The following RNF17 variants were observed in gnomAD, a reference collection of about 807,000 sequenced individuals.
RNF17 encodes the protein spermatogenesis associated 23.
A neutral mutation model predicts 200.5 loss-of-function variants in RNF17; 31 were observed. The ratio of observed to expected loss-of-function variants is 0.15; its 90% confidence interval spans 0.12 to 0.21. The LOEUF (loss-of-function observed/expected upper bound fraction) is 0.21, where lower values mean the gene tolerates loss of function less well. Among genes scored for constraint, RNF17 ranks in the 10% least tolerant of loss-of-function variants. The pLI is 1.00. For missense variants in RNF17, 1,628 were observed against 1,905.1 expected, an observed-to-expected ratio of 0.85 and a Z score of 2.71; for synonymous variants, 606 against 637.8, an observed-to-expected ratio of 0.95 and a Z score of 0.75.
chr13:24,848,647 A>G (rs566866540), intron 22 of RNF17, among the ~76,000 whole-genome samples: 2 of 152,342 alleles, frequency 1.3e-5, no homozygotes, highest in African/African-American at 4.8e-5. Flanking sequence ...TGGGTGACAC[A>G]GTGAGACTCT....
chr13:24,873,440 T>C (rs1894512818), intron 32 of RNF17, among the ~76,000 whole-genome samples: 1 of 152,242 alleles, frequency 6.6e-6, no homozygotes, highest in Non-Finnish European at 1.5e-5. Flanking sequence ...TAAACATTTT[T>C]TGATACATAA....
chr13:24,781,817 T>G, intron 5 of RNF17, 27 bp from the exon 6 acceptor site: 3 of 1,438,070 alleles, frequency 2.1e-6, no homozygotes, highest in Non-Finnish European at 2.8e-6. Flanking sequence ...CCAAATTAAG[T>G]TTTTGTCTTG....
chr13:24,829,427 G>T (rs1463184842), intron 16 of RNF17, among the ~76,000 whole-genome samples: 2 of 152,162 alleles, frequency 1.3e-5, no homozygotes, highest in Non-Finnish European at 2.9e-5. Context: ...AGAGACTTTA[G>T]GAAGAGTAAG....
intron 16 of RNF17, among the ~76,000 whole-genome samples, chr13:24,827,562 C>G (rs893752168): frequency 6.6e-6 from 1 of 151,206 alleles, no homozygotes; most frequent in East Asian, 1.9e-4. Context: ...ATTAGCCGGG[C>G]GTAGTGGCGG....
rs2137546413 is a variant in RNF17 at position 24,779,719 on chromosome 13, G to A, written c.482G>A (p.Ser161Asn). The change falls in exon 5 of 36, where the codon AGT (serine) becomes AAT (asparagine). Residue 161 changes from serine (S) to asparagine (N), a missense_variant. Ser to Asn is a conservative substitution (Grantham distance 46). This residue lies in a region of RNF17 where 502 missense variants were observed against 501.7 expected (regional missense o/e 1.00). Coordinates refer to ENST00000255324, the MANE Select transcript of RNF17 (RefSeq NM_031277.3). ...GAAGCATTGAATACAGCACACCATA[G>A]TTTCGAACAGTTAAGCATTGCTGGA... ...IDEALNTAHH[S>N]FEQLSIAGKA... is the part of the protein sequence containing the mutation. The A allele has an allele frequency of 6.2e-7, 1 of 1,613,444 alleles. No individual in the cohort carries two copies. The highest frequency in any genetic ancestry group is 2.2e-5 in the East Asian group (1 of 44,828).
chr13:24,748,724 G>T, the RNF17 span, among the ~76,000 whole-genome samples: 3 of 149,874 alleles, frequency 2.0e-5, no homozygotes, highest in East Asian at 5.8e-4. Context: ...AAAGGTTTTT[G>T]TTGTTGGTGG....
At chr13:24,880,512 T>C (rs891806863), downstream of RNF17, among the ~76,000 whole-genome samples, 3 of 152,218 alleles carry the variant, frequency 2.0e-5, no homozygotes, top group Non-Finnish European at 4.4e-5. Flanking sequence ...ATAAATGACA[T>C]GGTATTTTTT....
rs1352229361 is a variant in RNF17, at chr13:24,804,398, T to C, written c.2060T>C (p.Ile687Thr). The change falls in exon 15 of 36, where the codon ATA (isoleucine) becomes ACA (threonine). Residue 687 changes from isoleucine (I) to threonine (T), a missense_variant. Ile to Thr is a moderately conservative substitution (Grantham distance 89). This residue lies in a region of RNF17 where 289 missense variants were observed against 384.9 expected (regional missense o/e 0.75). Transcript: ENST00000255324. ...MTDVSVTVCH[I>T]NSPGDFYLQL... ...GATGTTTCAGTAACGGTTTGTCATA[T>C]AAATAGTCCTGGAGATTTCTATCTT... is the stretch of plus-strand genomic sequence containing the variant. 6.2e-7 allele frequency: 1 copy of C among 1,612,568 alleles called. No individual in the cohort carries two copies.
chr13:24,844,553 G>A, intron 20 of RNF17, 99 bp from the exon 21 acceptor site: 1 of 938,500 alleles, frequency 1.1e-6, no homozygotes, highest in Non-Finnish European at 1.6e-6. Context: ...TGCCCAGCTT[G>A]GCTGGAGCGG....
At chr13:24,882,422 T>A (rs1953888613), downstream of RNF17, 1 of 152,018 alleles carries the variant, frequency 6.6e-6, no homozygotes, top group Admixed American at 6.6e-5. Context: ...AATTTACAAG[T>A]AAGTAAGTAA....
chr13:24,800,318 TAA>T (rs896660677), intron 12 of RNF17, 46 bp from the exon 13 acceptor site: 5 of 1,347,836 alleles, frequency 3.7e-6, no homozygotes, highest in Non-Finnish European at 5.1e-6. Flanking sequence ...AAAACAAATT[TAA>T]GTTTGAAGCA....
intron 15 of RNF17, among the ~76,000 whole-genome samples, chr13:24,821,892 C>T (rs548019616): frequency 9.2e-5 from 14 of 152,172 alleles, no homozygotes; most frequent in South Asian, 2.1e-4. Flanking sequence ...TTTGTCATCT[C>T]GCACGAAGAA....
At chr13:24,871,588 T>G (rs11618520) in intron 32 of RNF17, among the ~76,000 whole-genome samples, 9,559 of 151,430 alleles carry the variant, frequency 0.063, 407 homozygotes, top group Non-Finnish European at 0.094. Flanking sequence ...ACCGCCCACC[T>G]TGACCAAAAT....
At chr13:24,840,686 G>A (rs1409145976) in intron 18 of RNF17, among the ~76,000 whole-genome samples, 1 of 152,000 alleles carries the variant, frequency 6.6e-6, no homozygotes, top group Non-Finnish European at 1.5e-5. Context: ...TCACTGATAT[G>A]TGGGAGCTAA....
intron 2 of RNF17, 29 bp from the exon 3 acceptor site, chr13:24,774,784 T>G: frequency 6.9e-7 from 1 of 1,455,392 alleles, no homozygotes; most frequent in Non-Finnish European, 9.6e-7. Flanking sequence ...TGGGTGACTT[T>G]GTTTTTTTAA....
downstream of RNF17, among the ~76,000 whole-genome samples, chr13:24,881,424 A>G (rs140651784): frequency 3.9e-3 from 589 of 152,148 alleles, 10 homozygotes; most frequent in Non-Finnish European, 1.4e-3. Flanking sequence ...TACAGGTGTG[A>G]GCCACCATGC....
Position 24,787,937 on chromosome 13 carries a change from CTA to C in RNF17, c.612-48_612-47del, listed in dbSNP as rs777813473. 4 of 1,411,194 alleles carry C rather than the reference CTA, an allele frequency of 2.8e-6. No individual in the cohort carries two copies. In the Admixed American group the frequency reaches 1.0e-4, roughly 36 times the overall value. The allele number at this position is 1,411,194 out of a possible 1,614,324, so 87.4% of individuals were successfully genotyped here. A position where few individuals can be genotyped will look rare whatever the true frequency, so the allele number is the denominator to read the frequency against. On this transcript the variant is annotated intron_variant, in intron 6 of 35. Transcript: ENST00000255324. ...TCAAGATACTATAGATCGACTTTTT[CTA>C]TAAATATTTATGAAATACTGCAAAA...
chr13:24,839,051 A>C (rs986372724), intron 18 of RNF17, among the ~76,000 whole-genome samples: 3 of 152,164 alleles, frequency 2.0e-5, no homozygotes, highest in African/African-American at 7.2e-5. Flanking sequence ...GAATCAAATC[A>C]AGAACTCAAC....
Position 24,861,380 on chromosome 13 carries a change from C to A in RNF17, c.3887C>A (p.Thr1296Asn), listed in dbSNP as rs766636581. 6.4e-7 allele frequency: 1 copy of A among 1,551,600 alleles called. No homozygotes were observed. The highest frequency in any genetic ancestry group is 1.9e-5 in the Admixed American group (1 of 53,362). ...TGTATTCCTTGTCAGCTCCATAATA[C>A]CACACCTGTGAGTACATAATAATTT... is the stretch of plus-strand genomic sequence containing the variant. Reference protein sequence around the residue: ...QFCIPCQLHNTTPVGNVWQPD... With the variant: ...QFCIPCQLHNNTPVGNVWQPD... The change falls in exon 27 of 36, where the codon ACC becomes AAC. Residue 1296 changes from threonine (T) to asparagine (N), a missense_variant. By Grantham distance (65) the Thr-to-Asn change is moderately conservative. This residue lies in a region of RNF17 where 609 missense variants were observed against 681.9 expected (regional missense o/e 0.89). Transcript: ENST00000255324.
Sources: allele counts gnomAD v4.1 joint callset (sites outside exome capture counted in the v4.1 genomes callset), GRCh38; gene constraint gnomAD v4.1.1; regional missense constraint gnomAD v4.1.1; transcripts MANE v1.5; gene names NCBI Gene and HGNC (gene_info 2026-07-23, HGNC 2026-07-21).